The following CAPZA2 variants were observed in gnomAD, a reference collection of about 807,000 sequenced individuals.
CAPZA2 encodes the protein F-actin-capping protein subunit alpha-2.
CAPZA2 carries 13 observed loss-of-function variants against 44.0 expected under a neutral mutation model. That is an observed-to-expected ratio of 0.30 (90% confidence interval 0.19 to 0.47). The LOEUF is 0.47. CAPZA2 is among the 20% of genes least tolerant of loss of function. CAPZA2 has a pLI of 1.00. For synonymous variants in CAPZA2, 94 were observed against 108.2 expected (o/e 0.87, Z 0.81); for missense variants, 244 against 338.6 (o/e 0.72, Z 2.19).
At chr7:116,906,738 A>T (rs1791518689) in intron 6 of CAPZA2, 1 of 161,562 alleles carries the variant, frequency 6.2e-6, no homozygotes, top group Non-Finnish European at 1.3e-5. Flanking sequence ...TCTGAAGTAG[A>T]GGATTGCTTT....
chr7:116,882,336 A>G (rs546927563), intron 1 of CAPZA2, among the ~76,000 whole-genome samples: 9 of 152,276 alleles, frequency 5.9e-5, no homozygotes, highest in African/African-American at 1.7e-4. Context: ...TTGGAATTCT[A>G]TGATGAAGGG....
chr7:116,896,428 T>C (rs1022530021), intron 3 of CAPZA2, among the ~76,000 whole-genome samples: 1 of 152,030 alleles, frequency 6.6e-6, no homozygotes, highest in African/African-American at 2.4e-5. Context: ...CAGTGGAGAG[T>C]CAGACATGTT....
chr7:116,897,279 A>T (rs1796940529), intron 3 of CAPZA2, among the ~76,000 whole-genome samples: 1 of 152,182 alleles, frequency 6.6e-6, no homozygotes, highest in Admixed American at 6.6e-5. Context: ...CCCTGGCTGT[A>T]TTGAGTTTAT....
chr7:116,863,415 G>C (rs974127144), intron 1 of CAPZA2, among the ~76,000 whole-genome samples: 3 of 152,164 alleles, frequency 2.0e-5, no homozygotes, highest in Non-Finnish European at 4.4e-5. Flanking sequence ...TCACTTTCCT[G>C]CTAGGACTTC....
intron 2 of CAPZA2, among the ~76,000 whole-genome samples, chr7:116,891,030 A>G (rs1796840645): frequency 6.6e-6 from 1 of 152,140 alleles, no homozygotes; most frequent in Admixed American, 6.5e-5. Flanking sequence ...CAAACATCTC[A>G]AACATATAGT....
At chr7:116,878,195 G>A (rs1562957686) in intron 1 of CAPZA2, among the ~76,000 whole-genome samples, 1 of 152,130 alleles carries the variant, frequency 6.6e-6, no homozygotes, top group Non-Finnish European at 1.5e-5. Flanking sequence ...GGTTATGATA[G>A]GTGTGTACAT....
chr7:116,864,567 G>A (rs902934322), intron 1 of CAPZA2, among the ~76,000 whole-genome samples: 2 of 152,062 alleles, frequency 1.3e-5, no homozygotes, highest in Non-Finnish European at 2.9e-5. Flanking sequence ...AAAACCTTTA[G>A]GTTAAATTCA....
chr7:116,901,881 A>ATTGTGTG (rs375500363), intron 4 of CAPZA2, among the ~76,000 whole-genome samples: 15 of 140,820 alleles, frequency 1.1e-4, no homozygotes, highest in African/African-American at 1.6e-4. Context: ...TAACGAAGAA[A>ATTGTGTG]TGTGTGTGTG....
intron 1 of CAPZA2, among the ~76,000 whole-genome samples, chr7:116,880,596 C>T (rs907146473): frequency 4.1e-5 from 6 of 146,342 alleles, no homozygotes; most frequent in African/African-American, 1.0e-4. Flanking sequence ...GGTTTTTTAC[C>T]GTGTTGGGCA....
intron 1 of CAPZA2, among the ~76,000 whole-genome samples, chr7:116,884,906 C>G (rs1796742787): frequency 6.6e-6 from 1 of 152,176 alleles, no homozygotes; most frequent in Admixed American, 6.5e-5. Flanking sequence ...CTCACCAGCA[C>G]TGGGTGTTAT....
Position 116,918,437 on chromosome 7 carries a change from A to G in CAPZA2, c.*570A>G, listed in dbSNP as rs1437354201. ...AGGTTATTTAGCTAGCTTAGTGTTG[A>G]ACTAAATTTTTTTTAAACAAGGCAA... On this transcript the variant is annotated 3_prime_UTR_variant, in exon 10 of 10. Coordinates refer to ENST00000361183, the MANE Select transcript of CAPZA2 (RefSeq NM_006136.3). The G allele has an allele frequency of 1.3e-5, 2 of 152,672 alleles. No individual in the cohort carries two copies. The allele number at this position is 152,672 out of a possible 1,614,324, so 9.5% of individuals were successfully genotyped here.
chr7:116,880,254 A>C, intron 1 of CAPZA2: 2 of 351,838 alleles, frequency 5.7e-6, no homozygotes, highest in Non-Finnish European at 1.1e-5. Flanking sequence ...AAAAATCATG[A>C]GTTGGTTCAA....
At chr7:116,882,464 G>T (rs1018275885) in intron 1 of CAPZA2, among the ~76,000 whole-genome samples, 12 of 151,954 alleles carry the variant, frequency 7.9e-5, no homozygotes, top group African/African-American at 2.9e-4. Flanking sequence ...GTTGCTTGAA[G>T]AATTATTATT....
chr7:116,867,857 T>G (rs559057497), intron 1 of CAPZA2, among the ~76,000 whole-genome samples: 2 of 152,320 alleles, frequency 1.3e-5, no homozygotes, highest in South Asian at 4.1e-4. Context: ...GTGCTGGGAT[T>G]ACAGGCGTGA....
intron 1 of CAPZA2, among the ~76,000 whole-genome samples, chr7:116,867,582 C>CTTTTT (rs67944722): frequency 8.7e-6 from 1 of 114,826 alleles, no homozygotes; most frequent in African/African-American, 3.1e-5. Flanking sequence ...ATTTCTCTCT[C>CTTTTT]TTTTTTTTTT....
At chr7:116,883,084 G>C (rs1796721050) in intron 1 of CAPZA2, among the ~76,000 whole-genome samples, 1 of 151,608 alleles carries the variant, frequency 6.6e-6, no homozygotes, top group Non-Finnish European at 1.5e-5. Flanking sequence ...GGTGGATAAG[G>C]AAAAAAAACA....
At chr7:116,868,561 T>C (rs1796510721) in intron 1 of CAPZA2, among the ~76,000 whole-genome samples, 1 of 152,112 alleles carries the variant, frequency 6.6e-6, no homozygotes, top group African/African-American at 2.4e-5. Flanking sequence ...GGTGAAACCC[T>C]GTCTGTACTA....
intron 1 of CAPZA2, among the ~76,000 whole-genome samples, chr7:116,867,315 A>G (rs1796494855): frequency 6.6e-6 from 1 of 152,154 alleles, no homozygotes; most frequent in South Asian, 2.1e-4. Flanking sequence ...TGCCACTGTT[A>G]GGCTTTTACT....
At chr7:116,911,018 C>T (rs1217260393) in intron 7 of CAPZA2, among the ~76,000 whole-genome samples, 1 of 137,204 alleles carries the variant, frequency 7.3e-6, no homozygotes, top group Non-Finnish European at 1.5e-5. Context: ...AAAAAGCATA[C>T]GTGATTGTTT....
Sources: gnomAD v4.1 joint callset for allele counts (sites outside exome capture counted in the v4.1 genomes callset) on GRCh38, gnomAD v4.1.1 for gene constraint, MANE v1.5 for transcripts, NCBI Gene and HGNC (gene_info 2026-07-23, HGNC 2026-07-21) for gene names.